The following PTPRR variants were observed in gnomAD, a reference collection of about 807,000 sequenced individuals.
The protein encoded by PTPRR is protein tyrosine phosphatase receptor type R.
A neutral mutation model predicts 77.2 loss-of-function variants in PTPRR; 38 were observed. That is an observed-to-expected ratio of 0.49 (90% CI 0.38 to 0.65). PTPRR has a LOEUF of 0.65. Ranked by LOEUF, PTPRR falls within the 30% of genes least tolerant of loss-of-function variation. The pLI, the probability that PTPRR is intolerant of heterozygous loss-of-function variation, is 0.00. For synonymous variants in PTPRR, 299 were observed against 283.1 expected (o/e 1.06, Z -0.57); for missense variants, 744 against 799.2 (o/e 0.93, Z 0.83).
At chr12:70,737,486 A>ATATCTATCTATC (rs10643938) in intron 6 of PTPRR, among the ~76,000 whole-genome samples, 2,451 of 144,212 alleles carry the variant, frequency 0.017, 39 homozygotes, top group East Asian at 0.021. Flanking sequence ...TATTTAATGA[A>ATATCTATCTATC]TATCTATCTA....
chr12:70,891,593 C>A (rs1043102391), intron 2 of PTPRR, among the ~76,000 whole-genome samples: 2 of 151,548 alleles, frequency 1.3e-5, no homozygotes, highest in Non-Finnish European at 2.9e-5. Flanking sequence ...TTGATATTTC[C>A]CTCTGGACAT....
intron 13 of PTPRR, among the ~76,000 whole-genome samples, chr12:70,651,829 C>T (rs1164048931): frequency 2.6e-5 from 4 of 151,900 alleles, no homozygotes; most frequent in Non-Finnish European, 5.9e-5. Flanking sequence ...TCCAATAGGT[C>T]CATTTTGTTA....
chr12:70,868,403 A>C (rs2137087841), intron 2 of PTPRR, among the ~76,000 whole-genome samples: 1 of 152,262 alleles, frequency 6.6e-6, no homozygotes, highest in East Asian at 1.9e-4. Context: ...TCTGAAAAGA[A>C]GACATTTATG....
intron 2 of PTPRR, among the ~76,000 whole-genome samples, chr12:70,830,160 T>C (rs1892186856): frequency 6.6e-6 from 1 of 152,130 alleles, no homozygotes; most frequent in Admixed American, 6.5e-5. Flanking sequence ...GGTAGAAATA[T>C]TGATGTATTT....
intron 6 of PTPRR, among the ~76,000 whole-genome samples, chr12:70,744,726 A>G (rs1391264913): frequency 6.6e-6 from 1 of 152,204 alleles, no homozygotes; most frequent in East Asian, 1.9e-4. Context: ...ACCTCAGGCA[A>G]CAAAATATAT....
intron 6 of PTPRR, among the ~76,000 whole-genome samples, chr12:70,745,320 G>A (rs1304940313): frequency 6.6e-6 from 1 of 152,134 alleles, no homozygotes; most frequent in Non-Finnish European, 1.5e-5. Flanking sequence ...GAGCCACTGC[G>A]CCCGTCCAGT....
chr12:70,736,003 A>C (rs116947262), intron 6 of PTPRR, among the ~76,000 whole-genome samples: 5 of 152,318 alleles, frequency 3.3e-5, no homozygotes, highest in Non-Finnish European at 7.3e-5. Flanking sequence ...GCGAGTTATT[A>C]TGCAGGATGT....
At chr12:70,662,657 TGGAG>T in intron 10 of PTPRR, 52 bp from the exon 11 acceptor site, 1 of 1,051,896 alleles carries the variant, frequency 9.5e-7, no homozygotes, top group Non-Finnish European at 1.4e-6. Flanking sequence ...TTATTAGCCA[TGGAG>T]TACTTTTCAT....
intron 2 of PTPRR, among the ~76,000 whole-genome samples, chr12:70,810,682 G>C (rs1199744459): frequency 6.6e-6 from 1 of 152,182 alleles, no homozygotes; most frequent in African/African-American, 2.4e-5. Flanking sequence ...AAGTTAAGTA[G>C]TTTCTCAACT....
At position 70,666,775 on chromosome 12, in the gene PTPRR, A is replaced by G. The variant is rs1422953283; in HGVS notation, c.1498-4170T>C. 2.6e-5 allele frequency among the ~76,000 whole-genome samples: 4 copies of G among 152,044 alleles called. No homozygotes were observed. The East Asian group carries it at 7.7e-4, about 29-fold the overall frequency. Reference sequence around the variant, plus strand: ...TATATAAACAATGTGATTGACATAAACTATATGATCTAGAACTCCATCTTC... The same window carrying G: ...TATATAAACAATGTGATTGACATAAGCTATATGATCTAGAACTCCATCTTC... On this transcript the variant is annotated intron_variant, in intron 10 of 13. Transcript: ENST00000283228.
intron 2 of PTPRR, among the ~76,000 whole-genome samples, chr12:70,877,756 G>C (rs1395130076): frequency 2.0e-5 from 3 of 152,170 alleles, no homozygotes; most frequent in Non-Finnish European, 2.9e-5. Context: ...CTACTTCAAA[G>C]TTCATATGGA....
intron 1 of PTPRR, among the ~76,000 whole-genome samples, chr12:70,911,750 G>GAAAAAAAAAAAA (rs35226592): frequency 9.4e-6 from 1 of 105,822 alleles, no homozygotes. Flanking sequence ...AGGCTCAACT[G>GAAAAAAAAAAAA]AAAAAAAAAA....
intron 2 of PTPRR, among the ~76,000 whole-genome samples, chr12:70,854,341 G>C (rs1892618832): frequency 1.3e-5 from 2 of 152,128 alleles, no homozygotes; most frequent in Admixed American, 1.3e-4. Context: ...TTACATTTTT[G>C]CAAAATCAAA....
At chr12:70,750,513 A>G (rs1363160560) in intron 5 of PTPRR, among the ~76,000 whole-genome samples, 1 of 152,178 alleles carries the variant, frequency 6.6e-6, no homozygotes, top group Non-Finnish European at 1.5e-5. Context: ...ACTTTAAATC[A>G]AGCTTATTAT....
At chr12:70,716,336 TAA>T (rs66838692) in intron 6 of PTPRR, among the ~76,000 whole-genome samples, 4,585 of 141,412 alleles carry the variant, frequency 0.032, 106 homozygotes, top group East Asian at 0.076. Flanking sequence ...GTCTTCTAAG[TAA>T]AAAAAAAAAA....
chr12:70,775,141 T>A (rs1377943347), intron 2 of PTPRR, among the ~76,000 whole-genome samples: 1 of 152,118 alleles, frequency 6.6e-6, no homozygotes, highest in Non-Finnish European at 1.5e-5. Flanking sequence ...TTTCATAGAG[T>A]TACTACATAA....
intron 6 of PTPRR, among the ~76,000 whole-genome samples, chr12:70,705,216 T>C (rs1888574786): frequency 6.6e-6 from 1 of 152,162 alleles, no homozygotes; most frequent in African/African-American, 2.4e-5. Context: ...TCAATTCTAA[T>C]GACATCAGTT....
chr12:70,722,425 C>T (rs991990913), intron 6 of PTPRR, among the ~76,000 whole-genome samples: 2 of 152,110 alleles, frequency 1.3e-5, no homozygotes, highest in Non-Finnish European at 1.5e-5. Flanking sequence ...GTACCACTCT[C>T]GTTAAAACAA....
intron 8 of PTPRR, among the ~76,000 whole-genome samples, chr12:70,687,228 T>C (rs972460695): frequency 1.2e-4 from 10 of 83,436 alleles, no homozygotes; most frequent in African/African-American, 3.6e-4. Context: ...AAACTTAGAA[T>C]TTAACAAGGC....
Sources: allele counts gnomAD v4.1 joint callset (sites outside exome capture counted in the v4.1 genomes callset), GRCh38; gene constraint gnomAD v4.1.1; transcripts MANE v1.5; gene names NCBI Gene and HGNC (gene_info 2026-07-23, HGNC 2026-07-21).